Variants in LDLRAD4 observed in about 807,000 individuals in gnomAD.
LDLRAD4 encodes low density lipoprotein receptor class A domain containing 4.
Under a neutral mutation model 17.0 loss-of-function variants are expected in LDLRAD4, and 5 were observed. That is an observed-to-expected ratio of 0.29 (90% CI 0.15 to 0.62). LDLRAD4 has a LOEUF of 0.62. Among genes scored for constraint, LDLRAD4 ranks in the 20% least tolerant of loss-of-function variants. The pLI is 0.84. For synonymous variants in LDLRAD4, 168 were observed against 171.8 expected (o/e 0.98, Z 0.17); for missense variants, 340 against 424.7 (o/e 0.80, Z 1.75).
chr18:13,227,829 A>G (rs577095034), intron 1 of LDLRAD4, among the ~76,000 whole-genome samples: 16 of 152,314 alleles, frequency 1.1e-4, no homozygotes, highest in African/African-American at 2.9e-4. Flanking sequence ...CTCATGATCT[A>G]TTCCCTTCCC....
At chr18:13,410,729 TTAGA>T (rs1568114476) in intron 2 of LDLRAD4, among the ~76,000 whole-genome samples, 1 of 152,164 alleles carries the variant, frequency 6.6e-6, no homozygotes, top group South Asian at 2.1e-4. Context: ...GCCAATCAGG[TTAGA>T]TGCTGGCAGG....
At chr18:13,601,181 C>G (rs561758393) in intron 3 of LDLRAD4, among the ~76,000 whole-genome samples, 2 of 152,168 alleles carry the variant, frequency 1.3e-5, no homozygotes, top group Admixed American at 1.3e-4. Flanking sequence ...ATTTGTCAGC[C>G]CTGTAGAAAT....
chr18:13,534,145 A>G (rs2094168797), intron 3 of LDLRAD4, among the ~76,000 whole-genome samples: 1 of 152,206 alleles, frequency 6.6e-6, no homozygotes, highest in African/African-American at 2.4e-5. Context: ...TTTAGGTTTC[A>G]TAGGCGATTG....
chr18:13,415,866 C>T (rs1487448984), intron 2 of LDLRAD4, among the ~76,000 whole-genome samples: 1 of 152,262 alleles, frequency 6.6e-6, no homozygotes, highest in Non-Finnish European at 1.5e-5. Flanking sequence ...CCTTGTACCC[C>T]ACGTGGCTCC....
At chr18:13,238,804 A>G (rs1451405223) in intron 1 of LDLRAD4, among the ~76,000 whole-genome samples, 1 of 152,178 alleles carries the variant, frequency 6.6e-6, no homozygotes, top group Non-Finnish European at 1.5e-5. Context: ...TCACGTTCCC[A>G]GGGAGCTCAC....
chr18:13,505,886 G>C (rs1429347003), intron 3 of LDLRAD4, among the ~76,000 whole-genome samples: 1 of 152,090 alleles, frequency 6.6e-6, no homozygotes, highest in Non-Finnish European at 1.5e-5. Context: ...CTGTTTCTTG[G>C]TGAGACTGAT....
At chr18:13,616,356 G>A (rs1230896689) in intron 3 of LDLRAD4, among the ~76,000 whole-genome samples, 10 of 152,106 alleles carry the variant, frequency 6.6e-5, no homozygotes, top group Admixed American at 3.3e-4. Flanking sequence ...CCTCACACAC[G>A]TTTCCAAGAA....
chr18:13,266,092 C>T (rs1336283019), intron 1 of LDLRAD4, among the ~76,000 whole-genome samples: 4 of 152,208 alleles, frequency 2.6e-5, no homozygotes, highest in Admixed American at 2.6e-4. Context: ...TGATGCCTGG[C>T]AGTGAACGTG....
chr18:13,568,568 G>A (rs185105202), intron 3 of LDLRAD4, among the ~76,000 whole-genome samples: 54 of 152,210 alleles, frequency 3.5e-4, no homozygotes, highest in African/African-American at 1.2e-3. Context: ...CCCACACACC[G>A]CTTCTGCCAC....
chr18:13,218,991 G>A lies in LDLRAD4; in HGVS notation c.-467+3G>A, dbSNP rs985813982. On this transcript the variant is annotated splice_donor_region_variant and intron_variant, in intron 1 of 5. Coordinates refer to the LDLRAD4 transcript ENST00000399848. ...GGGTGGGCCTGGGGGCGCGCCCTGT[G>A]AGTACACCGGTGGAAGACAGTGGGT... 6.6e-6 allele frequency: 1 copy of A among 152,248 alleles called. No homozygotes were observed. The highest frequency in any genetic ancestry group is 6.5e-5 in the Admixed American group (1 of 15,288). The allele number at this position is 152,248 out of a possible 1,614,324, so 9.4% of individuals were successfully genotyped here. A position where few individuals can be genotyped will look rare whatever the true frequency, so the allele number is the denominator to read the frequency against.
chr18:13,505,919 A>C (rs1600923428), intron 3 of LDLRAD4, among the ~76,000 whole-genome samples: 1 of 152,184 alleles, frequency 6.6e-6, no homozygotes, highest in East Asian at 1.9e-4. Context: ...GAGCGGTGCC[A>C]CCTCCTCTCA....
intron 3 of LDLRAD4, among the ~76,000 whole-genome samples, chr18:13,478,256 A>T (rs1486817674): frequency 6.6e-6 from 1 of 152,200 alleles, no homozygotes; most frequent in African/African-American, 2.4e-5. Flanking sequence ...CTGCTGTAGC[A>T]TATCTTCTAC....
chr18:13,369,677 C>T (rs546745936), intron 1 of LDLRAD4, among the ~76,000 whole-genome samples: 17 of 152,262 alleles, frequency 1.1e-4, no homozygotes, highest in South Asian at 2.1e-4. Context: ...TTTTGAGAGC[C>T]GCCCCTGCAC....
intron 1 of LDLRAD4, among the ~76,000 whole-genome samples, chr18:13,262,609 C>T (rs78263015): frequency 2.0e-4 from 13 of 63,602 alleles, no homozygotes; most frequent in African/African-American, 9.1e-4. Flanking sequence ...CCCGTGCGGC[C>T]CTGTGCGTGG....
intron 3 of LDLRAD4, among the ~76,000 whole-genome samples, chr18:13,502,799 G>A (rs192250532): frequency 1.1e-4 from 16 of 152,320 alleles, no homozygotes; most frequent in African/African-American, 3.8e-4. Flanking sequence ...GACTTCTCCT[G>A]AGCCATCCTC....
At chr18:13,351,268 A>T (rs911814690) in intron 1 of LDLRAD4, among the ~76,000 whole-genome samples, 8 of 152,110 alleles carry the variant, frequency 5.3e-5, no homozygotes, top group African/African-American at 1.9e-4. Context: ...ATGAGGATGG[A>T]ATGTTTTTCC....
At chr18:13,563,746 G>A (rs1227462072) in intron 3 of LDLRAD4, among the ~76,000 whole-genome samples, 1 of 152,158 alleles carries the variant, frequency 6.6e-6, no homozygotes, top group Non-Finnish European at 1.5e-5. Context: ...CTGGCCCCAC[G>A]GGAGATGTAG....
intron 3 of LDLRAD4, among the ~76,000 whole-genome samples, chr18:13,538,010 G>T (rs1349958950): frequency 6.6e-6 from 1 of 151,956 alleles, no homozygotes; most frequent in Non-Finnish European, 1.5e-5. Context: ...ATATTTGTAG[G>T]ATCTGTAGTG....
chr18:13,373,923 A>G (rs908254101), intron 1 of LDLRAD4, among the ~76,000 whole-genome samples: 2 of 152,256 alleles, frequency 1.3e-5, no homozygotes, highest in African/African-American at 4.8e-5. Flanking sequence ...TGACACGTGT[A>G]CAGTTCCATT....
Sources: gnomAD v4.1 joint callset for allele counts (sites outside exome capture counted in the v4.1 genomes callset) on GRCh38, gnomAD v4.1.1 for gene constraint, MANE v1.5 for transcripts, NCBI Gene and HGNC (gene_info 2026-07-23, HGNC 2026-07-21) for gene names.